Variants in RNF17 observed in about 807,000 individuals in gnomAD.
The protein encoded by RNF17 is ring finger protein 17, also known as spermatogenesis associated 23.
RNF17 carries 31 observed loss-of-function variants against 200.5 expected under a neutral mutation model. That is an observed-to-expected ratio of 0.15 (90% CI 0.12 to 0.21). RNF17 has a LOEUF of 0.21. RNF17 is among the 10% of genes least tolerant of loss of function. RNF17 has a pLI of 1.00. For synonymous variants in RNF17, 606 were observed against 637.8 expected, an observed-to-expected ratio of 0.95 and a Z score of 0.75; for missense variants, 1,628 against 1,905.1, an observed-to-expected ratio of 0.85 and a Z score of 2.71.
Position 24,874,132 on chromosome 13 carries a change from A to T in RNF17, c.4466A>T (p.Glu1489Val). Reference protein sequence around the residue: ...DFRTEMPCLAEYDDGLWYRAK... With the variant: ...DFRTEMPCLAVYDDGLWYRAK... ...TTTCCAGAAATGCCTTGCCTTGCAG[A>T]ATATGATGATGGCTTATGGTATAGA... Residue 1489 changes from glutamate to valine, a missense_variant, in exon 33 of 36, where the codon GAA becomes GTA. By Grantham distance (121) the Glu-to-Val change is moderately radical (BLOSUM62 -2). Around this residue, in one of 5 missense-constraint regions of RNF17, gnomAD observed 609 missense variants for 681.9 expected, o/e 0.89. Coordinates refer to ENST00000255324, the MANE Select transcript of RNF17 (RefSeq NM_031277.3). 1 of 1,610,122 alleles carries T rather than the reference A, an allele frequency of 6.2e-7. No individual in the cohort carries two copies. Among genetic ancestry groups the T allele is most frequent in the Non-Finnish European group, 8.5e-7 (1 of 1,179,188 alleles).
chr13:24,759,535 C>G (rs1038011836), upstream of RNF17, among the ~76,000 whole-genome samples: 1 of 152,130 alleles, frequency 6.6e-6, no homozygotes, highest in Admixed American at 6.5e-5. Context: ...GTGAGGGAAG[C>G]AAGAGTTTCT....
At chr13:24,864,723 A>G (rs1893448286) in intron 28 of RNF17, 150 bp from the exon 29 acceptor site, 4 of 602,126 alleles carry the variant, frequency 6.6e-6, no homozygotes, top group Non-Finnish European at 8.7e-6. Flanking sequence ...GCGTCAAAAT[A>G]CCAGGAAGAA....
intron 18 of RNF17, among the ~76,000 whole-genome samples, chr13:24,837,287 A>G (rs1299248368): frequency 6.6e-6 from 1 of 152,182 alleles, no homozygotes; most frequent in African/African-American, 2.4e-5. Context: ...AGGGGACTTC[A>G]ATATTCCACT....
chr13:24,885,455 G>A, the RNF17 span: 9 of 1,217,956 alleles, frequency 7.4e-6, no homozygotes, highest in African/African-American at 1.2e-4. Flanking sequence ...CTGATATAGG[G>A]TTCTAGGACT....
Position 24,774,875 on chromosome 13 carries a change from C to T in RNF17, c.288C>T (p.Asp96=), listed in dbSNP as rs760199796. The T allele has an allele frequency of 5.0e-6, 8 of 1,610,274 alleles. No individual in the cohort carries two copies. The East Asian group carries it at 1.6e-4, about 31-fold the overall frequency. Residue 96 remains aspartate (D), a synonymous_variant, in exon 3 of 36, where the codon GAC becomes GAT. Coordinates refer to ENST00000255324, the MANE Select transcript of RNF17 (RefSeq NM_031277.3). The part of the protein sequence containing the change: ...YYPMAGYIKE[D]SIMEKLQPKT... ...CAATGGCTGGATATATTAAGGAAGA[C>T]TCCATAATGGAAAAACTGCAGCCTA... is the stretch of plus-strand genomic sequence containing the variant.
At chr13:24,767,876 C>T (rs946452989) in intron 2 of RNF17, among the ~76,000 whole-genome samples, 5 of 152,060 alleles carry the variant, frequency 3.3e-5, no homozygotes, top group East Asian at 1.9e-4. Flanking sequence ...AAATAAAAGG[C>T]GCTAAAGTCA....
intron 2 of RNF17, among the ~76,000 whole-genome samples, chr13:24,770,046 C>T (rs1352242842): frequency 6.6e-6 from 1 of 151,992 alleles, no homozygotes; most frequent in Non-Finnish European, 1.5e-5. Context: ...GGACCTGAGT[C>T]TAAAATACAT....
intron 2 of RNF17, among the ~76,000 whole-genome samples, chr13:24,769,038 T>C (rs1212632452): frequency 1.4e-5 from 2 of 146,950 alleles, no homozygotes. Flanking sequence ...CGTGGCTGGC[T>C]ATGTGGGTAA....
chr13:24,881,741 T>C (rs1953826517), downstream of RNF17, among the ~76,000 whole-genome samples: 1 of 147,162 alleles, frequency 6.8e-6, no homozygotes, highest in Admixed American at 6.8e-5. Flanking sequence ...ATTATCTAGA[T>C]CACTTGAGGT....
chr13:24,877,412 A>G (rs1894976013), intron 34 of RNF17, among the ~76,000 whole-genome samples: 1 of 152,160 alleles, frequency 6.6e-6, no homozygotes, highest in Non-Finnish European at 1.5e-5. Context: ...CCCTGTGGTG[A>G]TATAAAATAT....
intron 35 of RNF17, 96 bp from the exon 36 acceptor site, chr13:24,879,641 G>A (rs567382843): frequency 5.8e-6 from 1 of 172,672 alleles, no homozygotes; most frequent in South Asian, 1.9e-4. Flanking sequence ...TACATGGGTA[G>A]CCAGCTAACT....
At chr13:24,832,845 G>A (rs1411734675) in intron 18 of RNF17, among the ~76,000 whole-genome samples, 1 of 152,172 alleles carries the variant, frequency 6.6e-6, no homozygotes, top group African/African-American at 2.4e-5. Flanking sequence ...CAGGGCTCAA[G>A]TGATCTTCCT....
intron 15 of RNF17, among the ~76,000 whole-genome samples, chr13:24,810,930 G>A (rs1254025821): frequency 6.7e-6 from 1 of 149,476 alleles, no homozygotes; most frequent in Non-Finnish European, 1.5e-5. Flanking sequence ...TGAAATTCTG[G>A]GTTGAAAATT....
intron 25 of RNF17, among the ~76,000 whole-genome samples, chr13:24,855,644 T>C (rs543919300): frequency 6.6e-6 from 1 of 150,678 alleles, no homozygotes; most frequent in Non-Finnish European, 1.5e-5. Context: ...AAAAAAAAAA[T>C]TGGTGGATAA....
intron 34 of RNF17, among the ~76,000 whole-genome samples, 186 bp from the exon 35 acceptor site, chr13:24,879,001 G>A (rs1895152583): frequency 6.6e-6 from 1 of 152,190 alleles, no homozygotes; most frequent in South Asian, 2.1e-4. Context: ...TTTAAAGAGA[G>A]CAGAAGAATG....
chr13:24,815,689 G>GGTCTTTGACCATTGAGT (rs1887314772), intron 15 of RNF17, among the ~76,000 whole-genome samples: 1 of 152,134 alleles, frequency 6.6e-6, no homozygotes, highest in Non-Finnish European at 1.5e-5. Flanking sequence ...CATTGAGTAT[G>GGTCTTTGACCATTGAGT]ATATTATCTG....
intron 34 of RNF17, 84 bp from the exon 35 acceptor site, chr13:24,879,103 C>T (rs965826130): frequency 5.1e-6 from 5 of 990,090 alleles, no homozygotes; most frequent in Middle Eastern, 2.1e-4. Context: ...CACCTTTTCA[C>T]ACCCGTGTGA....
intron 15 of RNF17, among the ~76,000 whole-genome samples, chr13:24,816,268 T>C (rs1887396634): frequency 6.6e-6 from 1 of 152,184 alleles, no homozygotes; most frequent in African/African-American, 2.4e-5. Flanking sequence ...GTGTATAATC[T>C]TTTTATCATA....
At chr13:24,774,975 T>C (rs1464264388) in intron 3 of RNF17, 71 bp downstream of exon 3, 5 of 1,014,992 alleles carry the variant, frequency 4.9e-6, no homozygotes, top group African/African-American at 4.9e-5. Context: ...GAATTATTGA[T>C]AAAATGTCAT....
Sources: allele counts gnomAD v4.1 joint callset (sites outside exome capture counted in the v4.1 genomes callset), GRCh38; gene constraint gnomAD v4.1.1; regional missense constraint gnomAD v4.1.1; transcripts MANE v1.5; gene names NCBI Gene and HGNC (gene_info 2026-07-23, HGNC 2026-07-21).